HECTD4: variants seen among roughly 807,000 people sequenced by gnomAD.
HECTD4 encodes the protein HECT domain E3 ubiquitin protein ligase 4.
A neutral mutation model predicts 471.5 loss-of-function variants in HECTD4; 114 were observed. The ratio of observed to expected loss-of-function variants is 0.24; its 90% confidence interval spans 0.21 to 0.28. The LOEUF (loss-of-function observed/expected upper bound fraction) is 0.28. Among genes scored for constraint, HECTD4 ranks in the 10% least tolerant of loss-of-function variants. The pLI is 1.00. For missense variants in HECTD4, 3,866 were observed against 5,651.5 expected, an observed-to-expected ratio of 0.68 and a Z score of 10.13; for synonymous variants, 2,012 against 2,256.0, an observed-to-expected ratio of 0.89 and a Z score of 3.07.
intron 7 of HECTD4, among the ~76,000 whole-genome samples, chr12:112,286,236 C>A (rs538579857): frequency 7.4e-4 from 113 of 152,304 alleles, no homozygotes; most frequent in African/African-American, 2.6e-3. Context: ...GAGTGAGAAG[C>A]AGCCCAGGCT....
chr12:112,367,973 T>C (rs1257863753), intron 1 of HECTD4, among the ~76,000 whole-genome samples: 1 of 151,618 alleles, frequency 6.6e-6, no homozygotes, highest in African/African-American at 2.4e-5. Context: ...AAAGCAAATA[T>C]AGTAAACATT....
intron 1 of HECTD4, among the ~76,000 whole-genome samples, chr12:112,338,486 T>C (rs2135723527): frequency 6.6e-6 from 1 of 152,036 alleles, no homozygotes; most frequent in African/African-American, 2.4e-5. Context: ...CTAGACATGG[T>C]GGTGCGTGCC....
chr12:112,248,206 A>G, intron 26 of HECTD4, 35 bp from the exon 27 acceptor site: 1 of 1,570,766 alleles, frequency 6.4e-7, no homozygotes, highest in South Asian at 1.2e-5. Flanking sequence ...CAAAATAAAA[A>G]CAAGTATGAT....
chr12:112,331,884 G>A (rs1387547850), intron 1 of HECTD4, among the ~76,000 whole-genome samples: 1 of 152,124 alleles, frequency 6.6e-6, no homozygotes, highest in South Asian at 2.1e-4. Flanking sequence ...TTTATATTCT[G>A]CAATGGTCAA....
Position 112,170,319 on chromosome 12 carries a change from G to A in HECTD4, c.12052+14C>T, listed in dbSNP as rs753122173. On this transcript the variant is annotated intron_variant, in intron 69 of 75. Coordinates refer to ENST00000682272, the MANE Select transcript of HECTD4 (RefSeq NM_001388303.1). Reference sequence around the variant, plus strand: ...TGCCATTTTGCATTTTTTGCTCTCCGCAGCCAACCCCACCTCCCACAATTT... The same window carrying A: ...TGCCATTTTGCATTTTTTGCTCTCCACAGCCAACCCCACCTCCCACAATTT... The A allele has an allele frequency of 8.1e-6, 13 of 1,613,204 alleles. No individual in the cohort carries two copies. The highest frequency in any genetic ancestry group is 2.2e-5 in the South Asian group (2 of 90,966).
intron 34 of HECTD4, among the ~76,000 whole-genome samples, chr12:112,238,441 G>T (rs542965902): frequency 6.6e-6 from 1 of 152,200 alleles, no homozygotes; most frequent in Non-Finnish European, 1.5e-5. Flanking sequence ...CCTTGAAAAT[G>T]CAACTGAAAA....
At chr12:112,225,352 G>C (rs1244696814) in intron 44 of HECTD4, among the ~76,000 whole-genome samples, 1 of 148,274 alleles carries the variant, frequency 6.7e-6, no homozygotes, top group East Asian at 2.0e-4. Flanking sequence ...AAAAGAGGAT[G>C]AACCTACAAG....
chr12:112,178,814 A>C (rs975759436), intron 64 of HECTD4, 117 bp downstream of exon 64: 2 of 1,208,508 alleles, frequency 1.7e-6, no homozygotes, highest in African/African-American at 1.5e-5. Flanking sequence ...AAAGCATGAC[A>C]AAAAAGGCCT....
chr12:112,289,462 C>T (rs928749365), intron 7 of HECTD4, among the ~76,000 whole-genome samples: 1 of 152,084 alleles, frequency 6.6e-6, no homozygotes, highest in Admixed American at 6.6e-5. Flanking sequence ...ATTAGTTTTC[C>T]CTGAGTCTTA....
At position 112,166,702 on chromosome 12, in the gene HECTD4, C is replaced by G. The variant is rs1268556109; in HGVS notation, c.12534+615G>C. ...TGGAATAAAGCCCTCCGCCCTCCAACATGAAGGAGACGAGCCTGGACACTC... is the reference window on the plus strand; with the variant it reads ...TGGAATAAAGCCCTCCGCCCTCCAAGATGAAGGAGACGAGCCTGGACACTC... On this transcript the variant is annotated intron_variant, in intron 72 of 75. Coordinates refer to ENST00000682272, the MANE Select transcript of HECTD4 (RefSeq NM_001388303.1). The surrounding 1 kb of genome is among the most constrained non-coding windows in gnomAD (Gnocchi z 4.6). 6.6e-6 allele frequency: 1 copy of G among 152,282 alleles called. No individual in the cohort carries two copies. The highest frequency in any genetic ancestry group is 1.5e-5 in the Non-Finnish European group (1 of 68,086). The allele number at this position is 152,282 out of a possible 1,614,324, so 9.4% of individuals were successfully genotyped here.
intron 7 of HECTD4, among the ~76,000 whole-genome samples, chr12:112,305,272 G>C (rs979299022): frequency 1.3e-5 from 2 of 152,108 alleles, no homozygotes; most frequent in Non-Finnish European, 1.5e-5. Context: ...AGACGGTGTG[G>C]ATCTAAAGCG....
chr12:112,215,428 A>G (rs2032891235), intron 48 of HECTD4, among the ~76,000 whole-genome samples: 1 of 152,228 alleles, frequency 6.6e-6, no homozygotes, highest in African/African-American at 2.4e-5. Flanking sequence ...GAATGTCAGC[A>G]GGACAGTTCT....
chr12:112,323,953 T>TCTTTCTTC (rs2035641759), intron 1 of HECTD4, among the ~76,000 whole-genome samples: 1 of 39,488 alleles, frequency 2.5e-5, no homozygotes, highest in Non-Finnish European at 3.9e-5. Flanking sequence ...GGTGCTTCTT[T>TCTTTCTTC]CTTTCTTTCT....
Position 112,219,496 on chromosome 12 carries a change from A to C in HECTD4, c.6971-7T>G. ...ACAACTGCAAGTCGCTCTCCTGTAG[A>C]GGGCACATGTTGAATCTGTGAAAAC... On this transcript the variant is annotated splice_polypyrimidine_tract_variant and splice_region_variant and intron_variant, in intron 44 of 75. Coordinates refer to ENST00000682272, the MANE Select transcript of HECTD4 (RefSeq NM_001388303.1). 1 of 1,605,908 alleles carries C rather than the reference A, an allele frequency of 6.2e-7. No individual in the cohort carries two copies. The highest frequency in any genetic ancestry group is 8.5e-7 in the Non-Finnish European group (1 of 1,173,636).
intron 37 of HECTD4, among the ~76,000 whole-genome samples, chr12:112,234,070 A>G (rs1197652426): frequency 6.6e-6 from 1 of 151,906 alleles, no homozygotes; most frequent in Non-Finnish European, 1.5e-5. Flanking sequence ...TGTAATTCTT[A>G]TTATCTGTTA....
chr12:112,308,324 A>G lies in HECTD4; in HGVS notation c.1164+429T>C, dbSNP rs75128505. 3.6e-4 allele frequency among the ~76,000 whole-genome samples: 55 copies of G among 152,226 alleles called. 2 individuals are homozygous for G. The East Asian group carries it at 9.7e-3, about 27-fold the overall frequency. ...CCAAGCTCTCAATCCCTAGCACACA[A>G]TGATTTTACTCTACACTCATTTCAA... On this transcript the variant is annotated intron_variant, in intron 6 of 75. Transcript: ENST00000682272.
chr12:112,209,012 C>T lies in HECTD4; in HGVS notation c.7868-382G>A, dbSNP rs555604770. 2.6e-5 allele frequency among the ~76,000 whole-genome samples: 4 copies of T among 150,986 alleles called. No individual in the cohort carries two copies. The South Asian group carries it at 8.4e-4, about 32-fold the overall frequency. Reference sequence around the variant, plus strand: ...ACCTCCTGGGCTCCAGCGATCCTCCCACCTCAACCTCCTGAGTGGCTGGGA... The same window carrying T: ...ACCTCCTGGGCTCCAGCGATCCTCCTACCTCAACCTCCTGAGTGGCTGGGA... On this transcript the variant is annotated intron_variant, in intron 50 of 75. Transcript: ENST00000682272.
At chr12:112,334,637 C>CAAAAA (rs869292531) in intron 1 of HECTD4, among the ~76,000 whole-genome samples, 13 of 45,254 alleles carry the variant, frequency 2.9e-4, no homozygotes, top group Non-Finnish European at 4.4e-4. Flanking sequence ...ACTAAAAATA[C>CAAAAA]AAAAAAAAAA....
chr12:112,162,258 G>A lies in HECTD4; in HGVS notation c.*129C>T, dbSNP rs1367912638. The A allele has an allele frequency of 2.3e-5, 24 of 1,052,452 alleles. No individual in the cohort carries two copies. Among genetic ancestry groups the A allele is most frequent in the South Asian group, 1.4e-4 (9 of 65,958 alleles). 65.2% of individuals were successfully genotyped at this position (1,052,452 alleles called of 1,614,324 possible). Reference sequence around the variant, plus strand: ...TTCCAGGAGGCCCTGGAATGTGGACGAAAGTTTGGAAAAGCAAAATGTTGC... The same window carrying A: ...TTCCAGGAGGCCCTGGAATGTGGACAAAAGTTTGGAAAAGCAAAATGTTGC... On this transcript the variant is annotated 3_prime_UTR_variant, in exon 76 of 76. Transcript: ENST00000682272. This position sits in a 1 kb window ranked among gnomAD's most constrained non-coding sequence, Gnocchi z 5.2.
Sources: allele counts gnomAD v4.1 joint callset (sites outside exome capture counted in the v4.1 genomes callset), GRCh38; gene constraint gnomAD v4.1.1; non-coding constraint Gnocchi (gnomAD v3.1); transcripts MANE v1.5; gene names NCBI Gene and HGNC (gene_info 2026-07-23, HGNC 2026-07-21).